ETHE1: variants seen among roughly 807,000 people sequenced by gnomAD.
ETHE1 encodes ETHE1 persulfide dioxygenase.
ETHE1 carries 16 observed loss-of-function variants against 25.7 expected under a neutral mutation model. The observed-to-expected ratio is 0.62, with a 90% confidence interval of 0.42 to 0.95. The LOEUF (loss-of-function observed/expected upper bound fraction) is 0.95, where lower values mean the gene tolerates loss of function less well. ETHE1 is among the 40% of genes least tolerant of loss of function. The pLI is 0.00. For missense variants in ETHE1, 300 were observed against 333.6 expected (o/e 0.90, Z 0.79); for synonymous variants, 139 against 135.9 (o/e 1.02, Z -0.16).
At chr19:43,514,116 G>A (rs1971974010) in intron 3 of ETHE1, among the ~76,000 whole-genome samples, 1 of 152,084 alleles carries the variant, frequency 6.6e-6, no homozygotes, top group African/African-American at 2.4e-5. Flanking sequence ...GTTTTGAAAT[G>A]TGAGGACATG....
At chr19:43,511,006 A>C (rs182015866) in intron 4 of ETHE1, among the ~76,000 whole-genome samples, 1 of 152,010 alleles carries the variant, frequency 6.6e-6, no homozygotes, top group African/African-American at 2.4e-5. Context: ...CATGCGAGGG[A>C]TCTAGGTTGC....
At chr19:43,524,093 G>T (rs1307513081) in intron 3 of ETHE1, among the ~76,000 whole-genome samples, 2 of 152,036 alleles carry the variant, frequency 1.3e-5, no homozygotes, top group Admixed American at 1.3e-4. Flanking sequence ...AAATTAGCTA[G>T]GCATGGTGGC....
At chr19:43,525,472 CA>C (rs1452603344) in intron 3 of ETHE1, 6 of 152,358 alleles carry the variant, frequency 3.9e-5, no homozygotes, top group African/African-American at 1.4e-4. Flanking sequence ...ACATCTTTAG[CA>C]ATTGATCAGA....
At position 43,506,790 on chromosome 19, in the gene ETHE1, C is replaced by T; in HGVS notation, c.*60G>A. The T allele has an allele frequency of 6.7e-7, 1 of 1,495,494 alleles. No individual in the cohort carries two copies. Among genetic ancestry groups the T allele is most frequent in the Non-Finnish European group, 9.3e-7 (1 of 1,074,104 alleles). The allele number at this position is 1,495,494 out of a possible 1,614,324, so 92.6% of individuals were successfully genotyped here. On this transcript the variant is annotated 3_prime_UTR_variant, in exon 7 of 7. Transcript: ENST00000292147. ...GGAAAGGAGAGGTGCAGTGTCATTG[C>T]CGCCCTCTCCTCCCACCTAGTGCAT...
chr19:43,526,653 C>T lies in ETHE1; in HGVS notation c.88G>A (p.Glu30Lys). ...TACGTGAAGGTGCAGCTCACAGGCT[C>T]GAACATCTGGGAACGGGGGACCCAG... ...GAPILLRQMF[E>K]PVSCTFTYLL... Residue 30 changes from glutamate to lysine, a missense_variant, in exon 2 of 7, where the codon GAG becomes AAG. Coordinates refer to ENST00000292147, the MANE Select transcript of ETHE1 (RefSeq NM_014297.5). The T allele has an allele frequency of 6.2e-7, 1 of 1,613,652 alleles. No individual in the cohort carries two copies. The highest frequency in any genetic ancestry group is 8.5e-7 in the Non-Finnish European group (1 of 1,180,018).
rs1473151297 is a variant in ETHE1, at chr19:43,517,703, G to A, written c.376-6137C>T. Among the ~76,000 whole-genome samples the A allele has an allele frequency of 5.3e-5, 8 of 151,668 alleles. 1 individual carries two copies. The highest frequency in any genetic ancestry group is 1.2e-4 in the Non-Finnish European group (8 of 67,956). On this transcript the variant is annotated intron_variant, in intron 3 of 6. Transcript: ENST00000292147. Reference sequence around the variant, plus strand: ...AGGCAGGAGAATTGCTTGAACCCAGGAAGCGGAGGCTGCAGTGAGCTGAGA... The same window carrying A: ...AGGCAGGAGAATTGCTTGAACCCAGAAAGCGGAGGCTGCAGTGAGCTGAGA...
chr19:43,509,177 C>A (rs923598452), intron 4 of ETHE1, among the ~76,000 whole-genome samples: 1 of 152,080 alleles, frequency 6.6e-6, no homozygotes, highest in Non-Finnish European at 1.5e-5. Context: ...GGGTTCTGAA[C>A]AAGGAAGGTG....
At chr19:43,526,126 GC>G in intron 3 of ETHE1, 74 bp downstream of exon 3, 1 of 1,605,554 alleles carries the variant, frequency 6.2e-7, no homozygotes, top group Non-Finnish European at 8.5e-7. Flanking sequence ...AGGATCCCAG[GC>G]CCCCAGTCCC....
chr19:43,518,601 A>T lies in ETHE1; in HGVS notation c.376-7035T>A, dbSNP rs1042750659. Among the ~76,000 whole-genome samples, 19 of 151,446 alleles carry T rather than the reference A, an allele frequency of 1.3e-4. No individual in the cohort carries two copies. In the East Asian group the frequency reaches 3.3e-3, roughly 27 times the overall value. On this transcript the variant is annotated intron_variant, in intron 3 of 6. Coordinates refer to ENST00000292147, the MANE Select transcript of ETHE1 (RefSeq NM_014297.5). Reference sequence around the variant, plus strand: ...CTCTACTAAAAATACAAAAAAAAAAATTAGCTGGGCGTGGTGGTGGGCGTC... The same window carrying T: ...CTCTACTAAAAATACAAAAAAAAAATTTAGCTGGGCGTGGTGGTGGGCGTC...
intron 3 of ETHE1, among the ~76,000 whole-genome samples, chr19:43,513,402 G>C (rs1014982890): frequency 6.6e-6 from 1 of 151,990 alleles, no homozygotes; most frequent in South Asian, 2.1e-4. Context: ...CCAGGAGTGG[G>C]GCTGTACCCT....
intron 3 of ETHE1, among the ~76,000 whole-genome samples, chr19:43,523,380 C>T (rs1025452878): frequency 7.2e-5 from 11 of 152,040 alleles, no homozygotes; most frequent in African/African-American, 2.7e-4. Flanking sequence ...AAGCAATTCT[C>T]CTCCTGCCTC....
chr19:43,519,565 T>C (rs1206175361), intron 3 of ETHE1, among the ~76,000 whole-genome samples: 1 of 152,116 alleles, frequency 6.6e-6, no homozygotes, highest in Non-Finnish European at 1.5e-5. Flanking sequence ...ATCTGTTGCC[T>C]GCAGCAGCTA....
chr19:43,517,338 AG>A (rs1160923838), intron 3 of ETHE1, among the ~76,000 whole-genome samples: 1 of 776 alleles, frequency 1.3e-3, no homozygotes, highest in Non-Finnish European at 2.3e-3. Flanking sequence ...AATGTTCAGT[AG>A]GTTAAATGTA....
chr19:43,506,761 G>A lies in ETHE1; in HGVS notation c.*89C>T, dbSNP rs1252078758. On this transcript the variant is annotated 3_prime_UTR_variant, in exon 7 of 7. Transcript: ENST00000292147. ...TTATTTAGGGAGCTCCAGGGAATGC[G>A]GTGGGAAAGGAGAGGTGCAGTGTCA... is the stretch of plus-strand genomic sequence containing the variant. The A allele has an allele frequency of 1.3e-5, 16 of 1,221,258 alleles. No individual in the cohort carries two copies. Among genetic ancestry groups the A allele is most frequent in the East Asian group, 2.3e-5 (1 of 42,988 alleles). The allele number at this position is 1,221,258 out of a possible 1,614,324, so 75.7% of individuals were successfully genotyped here.
Position 43,510,794 on chromosome 19 carries a change from G to A in ETHE1, c.505+643C>T, listed in dbSNP as rs1197579134. ...AACTCTTCCCATACTCTAGCATGGG[G>A]GTCCTTAACCCTGGGTACCGGTCCG... is the stretch of plus-strand genomic sequence containing the variant. On this transcript the variant is annotated intron_variant, in intron 4 of 6. Coordinates refer to ENST00000292147, the MANE Select transcript of ETHE1 (RefSeq NM_014297.5). 2.0e-5 allele frequency among the ~76,000 whole-genome samples: 3 copies of A among 152,012 alleles called. 1 individual carries two copies. The highest frequency in any genetic ancestry group is 4.2e-4 in the South Asian group (2 of 4,804).
At chr19:43,518,374 A>C (rs1412301985) in intron 3 of ETHE1, among the ~76,000 whole-genome samples, 1 of 151,032 alleles carries the variant, frequency 6.6e-6, no homozygotes, top group Non-Finnish European at 1.5e-5. Context: ...AAGAAAAAAG[A>C]AAAAAAAAGC....
chr19:43,513,055 G>T (rs1971950244), intron 3 of ETHE1, among the ~76,000 whole-genome samples: 1 of 152,234 alleles, frequency 6.6e-6, no homozygotes, highest in Non-Finnish European at 1.5e-5. Context: ...AGCCTTGGTG[G>T]CTTACACGTG....
At chr19:43,515,898 G>C (rs566706860) in intron 3 of ETHE1, among the ~76,000 whole-genome samples, 1 of 151,812 alleles carries the variant, frequency 6.6e-6, no homozygotes, top group Admixed American at 6.6e-5. Context: ...TTTTTCATCT[G>C]ATAATCAAGA....
chr19:43,521,073 C>T (rs1773231118), intron 3 of ETHE1, among the ~76,000 whole-genome samples: 1 of 152,114 alleles, frequency 6.6e-6, no homozygotes, highest in Non-Finnish European at 1.5e-5. Flanking sequence ...TGGCTCACTC[C>T]TGTAATCCCT....
Sources: allele counts gnomAD v4.1 joint callset (sites outside exome capture counted in the v4.1 genomes callset), GRCh38; gene constraint gnomAD v4.1.1; transcripts MANE v1.5; gene names NCBI Gene and HGNC (gene_info 2026-07-23, HGNC 2026-07-21).